USP37: variants seen among roughly 807,000 people sequenced by gnomAD.
USP37 encodes ubiquitin specific peptidase 37.
USP37 carries 27 observed loss-of-function variants against 124.0 expected under a neutral mutation model. The observed-to-expected ratio is 0.22, with a 90% CI of 0.16 to 0.30. USP37 has a LOEUF of 0.30. Among genes scored for constraint, USP37 ranks in the 10% least tolerant of loss-of-function variants. The pLI, the probability that USP37 is intolerant of heterozygous loss-of-function variation, is 1.00. For synonymous variants in USP37, 365 were observed against 388.0 expected (o/e 0.94, Z 0.70); for missense variants, 889 against 1,140.4 (o/e 0.78, Z 3.17).
At position 218,535,182 on chromosome 2, in the gene USP37, A is replaced by G. The variant is rs1691552415; in HGVS notation, c.681-476T>C. 6.2e-5 allele frequency among the ~76,000 whole-genome samples: 9 copies of G among 145,900 alleles called. 1 individual carries two copies. In the South Asian group the frequency reaches 2.0e-3, roughly 32 times the overall value. On this transcript the variant is annotated intron_variant, in intron 8 of 25. Coordinates refer to ENST00000258399, the MANE Select transcript of USP37 (RefSeq NM_020935.3). ...AGTTCGAGACCAGCCTGGCCAACAT[A>G]GTGAAACCCCGTCTCAACTAAAAAT... is the stretch of plus-strand genomic sequence containing the variant.
intron 15 of USP37, chr2:218,486,296 A>G (rs1691555014): frequency 6.6e-6 from 1 of 152,334 alleles, no homozygotes; most frequent in Non-Finnish European, 1.5e-5. Context: ...GGGGGTAAAA[A>G]TACATAGGAA....
intron 23 of USP37, among the ~76,000 whole-genome samples, chr2:218,458,039 CAAA>C (rs34696201): frequency 8.9e-5 from 8 of 90,182 alleles, no homozygotes; most frequent in Admixed American, 2.5e-4. Flanking sequence ...GACTCTGTCT[CAAA>C]AAAAAAAAAA....
At chr2:218,502,793 T>A (rs1017091131) in intron 11 of USP37, among the ~76,000 whole-genome samples, 1 of 152,088 alleles carries the variant, frequency 6.6e-6, no homozygotes, top group African/African-American at 2.4e-5. Context: ...AGTAGCATTA[T>A]AAGAAACCCA....
intron 10 of USP37, among the ~76,000 whole-genome samples, chr2:218,511,945 A>G (rs1254529729): frequency 6.6e-6 from 1 of 152,094 alleles, no homozygotes; most frequent in African/African-American, 2.4e-5. Context: ...TAGGTCTTCA[A>G]TACAGTTATA....
chr2:218,563,432 C>T (rs1380546252), intron 1 of USP37, among the ~76,000 whole-genome samples: 1 of 152,136 alleles, frequency 6.6e-6, no homozygotes, highest in Non-Finnish European at 1.5e-5. Flanking sequence ...AAGAATATGT[C>T]CTTTGTTCAC....
At chr2:218,558,702 C>T (rs769424346) in intron 3 of USP37, 25 bp from the exon 4 acceptor site, 1 of 1,518,934 alleles carries the variant, frequency 6.6e-7, no homozygotes, top group Middle Eastern at 1.8e-4. Flanking sequence ...AAAAATATAC[C>T]TTTACCTGGC....
chr2:218,553,555 G>A lies in USP37; in HGVS notation c.326C>T (p.Ala109Val). Residue 109 changes from alanine (A) to valine (V), a missense_variant and splice_region_variant, in exon 5 of 26, where the codon GCA becomes GTA. Ala to Val is a moderately conservative substitution (Grantham distance 64). Transcript: ENST00000258399. ...ACCCTGGGGTGATTAGTACTCACCT[G>A]CAGGAAGTCTGTTTTGATGGACTGC... ...LDAVHQNRLP[A>V]AMKPSQGSGS... is the part of the protein sequence containing the mutation. 1 of 1,611,990 alleles carries A rather than the reference G, an allele frequency of 6.2e-7. No individual in the cohort carries two copies. The highest frequency in any genetic ancestry group is 8.5e-7 in the Non-Finnish European group (1 of 1,178,818).
intron 6 of USP37, among the ~76,000 whole-genome samples, chr2:218,549,497 C>A (rs1400128255): frequency 7.3e-6 from 1 of 136,854 alleles, no homozygotes; most frequent in Non-Finnish European, 1.5e-5. Flanking sequence ...TGGAGTCTTG[C>A]TCTGTTGCCC....
At chr2:218,506,583 C>A (rs530526816) in intron 11 of USP37, among the ~76,000 whole-genome samples, 1 of 150,686 alleles carries the variant, frequency 6.6e-6, no homozygotes, top group Non-Finnish European at 1.5e-5. Context: ...CCACGCCCGG[C>A]CCTTTCTGGC....
chr2:218,493,731 A>C (rs558107184), intron 14 of USP37, among the ~76,000 whole-genome samples: 1 of 152,204 alleles, frequency 6.6e-6, no homozygotes, highest in South Asian at 2.1e-4. Context: ...TTGACCTCCC[A>C]AAGTGCTGGG....
intron 11 of USP37, among the ~76,000 whole-genome samples, chr2:218,498,593 T>C (rs1198732455): frequency 6.6e-6 from 1 of 152,002 alleles, no homozygotes; most frequent in Non-Finnish European, 1.5e-5. Flanking sequence ...CCAGGCATGG[T>C]GGTATGCGCC....
At chr2:218,477,634 TTAATG>T (rs1475049554) in intron 18 of USP37, among the ~76,000 whole-genome samples, 3 of 152,186 alleles carry the variant, frequency 2.0e-5, no homozygotes, top group Non-Finnish European at 2.9e-5. Context: ...ATAAAGTCAT[TTAATG>T]TAAAAGCAAA....
intron 13 of USP37, 46 bp from the exon 14 acceptor site, chr2:218,495,996 C>A: frequency 6.4e-7 from 1 of 1,555,220 alleles, no homozygotes; most frequent in South Asian, 1.2e-5. Context: ...CATTTCTTGT[C>A]ACAATAGCTT....
intron 13 of USP37, among the ~76,000 whole-genome samples, chr2:218,496,569 CCCAGGT>C (rs1689091160): frequency 1.3e-5 from 1 of 77,806 alleles, no homozygotes; most frequent in South Asian, 4.3e-4. Context: ...GGTAACACAG[CCCAGGT>C]CCTTGCACTG....
intron 22 of USP37, 91 bp from the exon 23 acceptor site, chr2:218,459,996 C>T (rs1400466134): frequency 8.4e-5 from 73 of 869,802 alleles, no homozygotes; most frequent in African/African-American, 1.6e-4. Context: ...TTTGGGAGGC[C>T]GAGACAGGTG....
At chr2:218,551,424 G>C (rs959317846) in intron 5 of USP37, among the ~76,000 whole-genome samples, 1 of 152,156 alleles carries the variant, frequency 6.6e-6, no homozygotes, top group Non-Finnish European at 1.5e-5. Context: ...TTACATTTAC[G>C]AGCTCTCATT....
Sources: gnomAD v4.1 joint callset for allele counts (sites outside exome capture counted in the v4.1 genomes callset) on GRCh38, gnomAD v4.1.1 for gene constraint, MANE v1.5 for transcripts, NCBI Gene and HGNC (gene_info 2026-07-23, HGNC 2026-07-21) for gene names.